The following TMF1 variants were observed in gnomAD, a reference collection of about 807,000 sequenced individuals.
The protein encoded by TMF1 is TATA element modulatory factor.
A neutral mutation model predicts 126.5 loss-of-function variants in TMF1; 71 were observed. That is an observed-to-expected ratio of 0.56 (90% CI 0.46 to 0.68). The LOEUF is 0.68. Among genes scored for constraint, TMF1 ranks in the 30% least tolerant of loss-of-function variants. The pLI, the probability that TMF1 is intolerant of heterozygous loss-of-function variation, is 0.00. For synonymous variants in TMF1, 461 were observed against 430.5 expected, an observed-to-expected ratio of 1.07 and a Z score of -0.88; for missense variants, 1,259 against 1,253.2, an observed-to-expected ratio of 1.00 and a Z score of -0.07.
intron 16 of TMF1, 86 bp from the exon 17 acceptor site, chr3:69,023,406 A>T: frequency 9.3e-7 from 1 of 1,079,200 alleles, no homozygotes; most frequent in African/African-American, 1.6e-5. Context: ...CAACAATGAA[A>T]ACACTACAAT....
chr3:69,047,459 G>T lies in TMF1; in HGVS notation c.1246C>A (p.Pro416Thr). The change falls in exon 2 of 17, where the codon CCA (proline) becomes ACA (threonine). Residue 416 changes from proline to threonine, a missense_variant. Transcript: ENST00000398559. ...EQPDILVSST[P>T]INEGQTVLDK... ...AACACAGTCTGTCCTTCATTTATTG[G>T]TGTGGAAGAAACCAAGATATCAGGC... 1 of 1,614,134 alleles carries T rather than the reference G, an allele frequency of 6.2e-7. No homozygotes were observed. Among genetic ancestry groups the T allele is most frequent in the South Asian group, 1.1e-5 (1 of 91,078 alleles).
At position 69,051,944 on chromosome 3, in the gene TMF1, C is replaced by A; in HGVS notation, c.142+1G>T. On this transcript the variant is annotated splice_donor_variant, in intron 1 of 16. Transcript: ENST00000398559. LOFTEE classifies it high-confidence loss of function. ...AGGAACCCCGCTCCTCTCTCTCTTA[C>A]CCGGCTCTCCATACGGAATGGTCTC... is the stretch of plus-strand genomic sequence containing the variant. 6.2e-7 allele frequency: 1 copy of A among 1,612,954 alleles called. No homozygotes were observed. The highest frequency in any genetic ancestry group is 8.5e-7 in the Non-Finnish European group (1 of 1,179,402).
chr3:69,047,524 T>G lies in TMF1; in HGVS notation c.1181A>C (p.Glu394Ala). The G allele has an allele frequency of 6.2e-7, 1 of 1,614,204 alleles. No individual in the cohort carries two copies. Among genetic ancestry groups the G allele is most frequent in the Admixed American group, 1.7e-5 (1 of 60,022 alleles). Residue 394 changes from glutamate to alanine, a missense_variant, in exon 2 of 17, where the codon GAA becomes GCA. Glu to Ala is a moderately radical substitution (Grantham distance 107). Coordinates refer to ENST00000398559, the MANE Select transcript of TMF1 (RefSeq NM_007114.3). ...LVIPTEEAEM[E>A]ESGRSATPVN... ...AGGAGTTGCACTTCGTCCACTTTCT[T>G]CCATTTCTGCTTCCTCAGTGGGTAT...
At chr3:69,034,157 TTG>T in intron 9 of TMF1, among the ~76,000 whole-genome samples, 1 of 152,224 alleles carries the variant, frequency 6.6e-6, no homozygotes, top group African/African-American at 2.4e-5. Context: ...GAGAGTTAGA[TTG>T]TGTAATACAG....
intron 16 of TMF1, 62 bp downstream of exon 16, chr3:69,023,993 A>G (rs2091752877): frequency 1.4e-6 from 2 of 1,451,804 alleles, no homozygotes; most frequent in Non-Finnish European, 1.8e-6. Context: ...AATTAAAAAC[A>G]TGAGATTTAA....
At chr3:69,035,612 G>A (rs1575813569) in intron 8 of TMF1, among the ~76,000 whole-genome samples, 1 of 152,252 alleles carries the variant, frequency 6.6e-6, no homozygotes, top group African/African-American at 2.4e-5. Context: ...AAGCAGATAC[G>A]TAAATACACA....
At position 69,042,868 on chromosome 3, in the gene TMF1, A is replaced by G; in HGVS notation, c.1623T>C (p.Ser541=). Residue 541 remains serine (S), a synonymous_variant, in exon 5 of 17, where the codon AGT becomes AGC. Transcript: ENST00000398559. ...IKEELATRLN[S]SETADLLKEK... is the part of the protein sequence containing the mutation. ...CTTTCAAAAGGTCTGCAGTTTCACT[A>G]CTATTTAATCTAGTGGCAAGTTCTT... The G allele has an allele frequency of 6.2e-7, 1 of 1,613,596 alleles. No homozygotes were observed. The highest frequency in any genetic ancestry group is 1.1e-5 in the South Asian group (1 of 91,064).
intron 14 of TMF1, 79 bp downstream of exon 14, chr3:69,025,917 T>C (rs904713080): frequency 7.7e-7 from 1 of 1,302,276 alleles, no homozygotes; most frequent in Non-Finnish European, 1.1e-6. Context: ...AAGGTCATGA[T>C]GACAGACAAT....
In TMF1 at chr3:69,022,664, A is replaced by G. The variant is rs958616680; in HGVS notation, c.*513T>C. The G allele has an allele frequency of 3.9e-5, 6 of 152,552 alleles. No individual in the cohort carries two copies. The highest frequency in any genetic ancestry group is 1.4e-4 in the African/African-American group (6 of 41,466). The allele number at this position is 152,552 out of a possible 1,614,324, so 9.4% of individuals were successfully genotyped here. On this transcript the variant is annotated 3_prime_UTR_variant, in exon 17 of 17. Transcript: ENST00000398559. The stretch of plus-strand genomic sequence containing the variant: ...AGGAAAAAAATTAGTTTAAAATTTA[A>G]TAGCCACAGATTTAATAATTTTTTA...
In TMF1 at chr3:69,047,852, T is replaced by G. The variant is rs1235437064; in HGVS notation, c.853A>C (p.Ser285Arg). Reference sequence around the variant, plus strand: ...AAAGATGTCTGCATCAAGTGAAGACTTGATTTTGAATCTGTAGTCTCTTGT... The same window carrying G: ...AAAGATGTCTGCATCAAGTGAAGACGTGATTTTGAATCTGTAGTCTCTTGT... ...SRQETTDSKS[S>R]LHLMQTSFQL... is the part of the protein sequence containing the mutation. The change falls in exon 2 of 17, where the codon AGT becomes CGT. Residue 285 changes from serine (S) to arginine (R), a missense_variant. Coordinates refer to ENST00000398559, the MANE Select transcript of TMF1 (RefSeq NM_007114.3). 1 of 1,614,070 alleles carries G rather than the reference T, an allele frequency of 6.2e-7. No homozygotes were observed. The highest frequency in any genetic ancestry group is 1.7e-5 in the Admixed American group (1 of 60,018).
intron 10 of TMF1, among the ~76,000 whole-genome samples, chr3:69,032,641 C>T (rs1259933804): frequency 2.1e-5 from 3 of 144,128 alleles, no homozygotes; most frequent in Non-Finnish European, 4.5e-5. Context: ...GATGCAGTCT[C>T]GCTCTGTCAC....
Position 69,042,878 on chromosome 3 carries a change from C to T in TMF1, c.1613G>A (p.Arg538Lys). ...GTCTGCAGTTTCACTACTATTTAAT[C>T]TAGTGGCAAGTTCTTCTTTTATGTT... Reference protein sequence around the residue: ...IKNIKEELATRLNSSETADLL... With the variant: ...IKNIKEELATKLNSSETADLL... The change falls in exon 5 of 17, where the codon AGA (arginine) becomes AAA (lysine). Residue 538 changes from arginine (R) to lysine (K), a missense_variant. Coordinates refer to ENST00000398559, the MANE Select transcript of TMF1 (RefSeq NM_007114.3). 1 of 1,613,422 alleles carries T rather than the reference C, an allele frequency of 6.2e-7. No homozygotes were observed. Among genetic ancestry groups the T allele is most frequent in the South Asian group, 1.1e-5 (1 of 91,030 alleles).
chr3:69,038,236 T>C (rs747603788), intron 8 of TMF1, among the ~76,000 whole-genome samples: 3 of 152,234 alleles, frequency 2.0e-5, no homozygotes, highest in Non-Finnish European at 4.4e-5. Context: ...ACAGATGTTA[T>C]GAATGAGCTC....
At chr3:69,042,094 T>G (rs1366570351) in intron 5 of TMF1, among the ~76,000 whole-genome samples, 1 of 152,152 alleles carries the variant, frequency 6.6e-6, no homozygotes, top group Admixed American at 6.6e-5. Context: ...TGCAGTACAG[T>G]GGCGTGATCT....
At chr3:69,049,836 T>C (rs1261605752) in intron 1 of TMF1, among the ~76,000 whole-genome samples, 1 of 152,240 alleles carries the variant, frequency 6.6e-6, no homozygotes, top group East Asian at 1.9e-4. Flanking sequence ...TAAAAATGTT[T>C]TCTTTTTCAA....
chr3:69,045,846 GC>G (rs764926509), intron 2 of TMF1, among the ~76,000 whole-genome samples: 9 of 152,268 alleles, frequency 5.9e-5, no homozygotes, highest in South Asian at 2.1e-4. Context: ...GACCGCTTGA[GC>G]CCAGGAGTTC....
intron 6 of TMF1, 33 bp downstream of exon 6, chr3:69,039,518 A>G: frequency 6.3e-7 from 1 of 1,598,014 alleles, no homozygotes; most frequent in South Asian, 1.1e-5. Context: ...AGTAATAACA[A>G]TATATATGTA....
chr3:69,045,528 C>A (rs2091890702), intron 2 of TMF1, among the ~76,000 whole-genome samples: 1 of 151,916 alleles, frequency 6.6e-6, no homozygotes, highest in Admixed American at 6.6e-5. Flanking sequence ...GCCTGTAATC[C>A]CAGCACTTTG....
intron 5 of TMF1, 182 bp downstream of exon 5, chr3:69,042,625 G>T: frequency 1.4e-6 from 1 of 691,408 alleles, no homozygotes; most frequent in East Asian, 2.8e-5. Flanking sequence ...CTAGAAACAC[G>T]TATCTCTGTC....
Sources: gnomAD v4.1 joint callset for allele counts (sites outside exome capture counted in the v4.1 genomes callset) on GRCh38, gnomAD v4.1.1 for gene constraint, MANE v1.5 for transcripts, NCBI Gene and HGNC (gene_info 2026-07-23, HGNC 2026-07-21) for gene names.